Variants in ADAP1 observed in about 807,000 individuals in gnomAD.
The protein encoded by ADAP1 is arf-GAP with dual PH domain-containing protein 1.
ADAP1 carries 31 observed loss-of-function variants against 54.9 expected under a neutral mutation model. The observed-to-expected ratio is 0.56, with a 90% CI of 0.42 to 0.76. ADAP1 has a LOEUF of 0.76. Among genes scored for constraint, ADAP1 ranks in the 30% least tolerant of loss-of-function variants. The pLI, the probability that ADAP1 is intolerant of heterozygous loss-of-function variation, is 0.00. For synonymous variants in ADAP1, 313 were observed against 202.6 expected (o/e 1.55, Z -4.63); for missense variants, 535 against 512.4 (o/e 1.04, Z -0.42).
rs58750095 is a variant in ADAP1 at position 907,021 on chromosome 7, G to A, written c.389-1849C>T. Among the ~76,000 whole-genome samples the A allele has an allele frequency of 5.2e-3, 789 of 152,186 alleles. 6 individuals carry two copies. The highest frequency in any genetic ancestry group is 0.018 in the African/African-American group (729 of 41,498). On this transcript the variant is annotated intron_variant, in intron 4 of 10. Coordinates refer to ENST00000265846, the MANE Select transcript of ADAP1 (RefSeq NM_006869.4). Reference sequence around the variant, plus strand: ...CAGAGGCAGGGCTGGGTCCAACCTCGTGCTGCCCGGGAGGACCAGGCTGGC... The same window carrying A: ...CAGAGGCAGGGCTGGGTCCAACCTCATGCTGCCCGGGAGGACCAGGCTGGC...
chr7:905,798 GAGAAAGGA>G (rs1562912969), intron 4 of ADAP1, among the ~76,000 whole-genome samples: 6 of 71,164 alleles, frequency 8.4e-5, no homozygotes, highest in African/African-American at 2.5e-4. Flanking sequence ...AAGGAGAAAG[GAGAAAGGA>G]GAAAGGAGAA....
intron 2 of ADAP1, among the ~76,000 whole-genome samples, chr7:929,638 G>A (rs1480037263): frequency 6.6e-6 from 1 of 151,822 alleles, no homozygotes; most frequent in African/African-American, 2.4e-5. Flanking sequence ...CGGCTGGGGC[G>A]GTGGTGATGG....
At chr7:910,189 G>A (rs1275697560) in intron 4 of ADAP1, among the ~76,000 whole-genome samples, 1 of 152,134 alleles carries the variant, frequency 6.6e-6, no homozygotes, top group Non-Finnish European at 1.5e-5. Context: ...AGTGAAGCGC[G>A]CACATCACGT....
intron 2 of ADAP1, among the ~76,000 whole-genome samples, chr7:929,157 T>G (rs1846483770): frequency 6.6e-6 from 1 of 151,738 alleles, no homozygotes; most frequent in African/African-American, 2.4e-5. Flanking sequence ...CCGGGCGTGG[T>G]GGTGCACGCC....
intron 3 of ADAP1, among the ~76,000 whole-genome samples, chr7:922,690 C>A (rs1277001436): frequency 2.4e-5 from 3 of 125,226 alleles, no homozygotes; most frequent in Non-Finnish European, 1.6e-5. Flanking sequence ...TTGCCTCTTG[C>A]GAAAGTGACC....
At position 905,397 on chromosome 7, in the gene ADAP1, G is replaced by GGGAGAAA. The variant is rs1484691023; in HGVS notation, c.389-226_389-225insTTTCTCC. On this transcript the variant is annotated intron_variant, in intron 4 of 10. Coordinates refer to ENST00000265846, the MANE Select transcript of ADAP1 (RefSeq NM_006869.4). ...GAAAGGAGAAAGGAGAAAGGAGAAA[G>GGGAGAAA]GAGAAAGGAGAAAGGGAGAAAGAGA... 217 of 235,746 alleles carry GGGAGAAA rather than the reference G, an allele frequency of 9.2e-4. 20 individuals are homozygous for GGGAGAAA. Among genetic ancestry groups the GGGAGAAA allele is most frequent in the Non-Finnish European group, 5.2e-4 (73 of 140,148 alleles). 14.6% of individuals were successfully genotyped at this position (235,746 alleles called of 1,614,324 possible).
At chr7:929,095 C>A (rs959011236) in intron 2 of ADAP1, among the ~76,000 whole-genome samples, 13 of 152,016 alleles carry the variant, frequency 8.6e-5, no homozygotes, top group African/African-American at 2.7e-4. Context: ...AGTTCAAGAC[C>A]AGCCTGGGCA....
rs76452120 is a variant in ADAP1, at chr7:900,482, C to G, written c.732+51G>C. On this transcript the variant is annotated intron_variant, in intron 7 of 10. Transcript: ENST00000265846. ...GGGCACGAGGGCTCCGTCCACCCCC[C>G]ACCCCACCACCCCTGTCTGCCCTGG... The G allele has an allele frequency of 6.4e-3, 8,843 of 1,389,232 alleles. 344 individuals are homozygous for G. The East Asian group carries it at 0.081, about 13-fold the overall frequency. 86.1% of individuals were successfully genotyped at this position (1,389,232 alleles called of 1,614,324 possible). A position where few individuals can be genotyped will look rare whatever the true frequency, so the allele number is the denominator to read the frequency against.
chr7:905,392 A>AGAAAGG (rs1303788982), intron 4 of ADAP1: 2 of 201,736 alleles, frequency 9.9e-6, no homozygotes, highest in African/African-American at 8.3e-5. Context: ...AGGAGAAAGG[A>AGAAAGG]GAAAGGAGAA....
intron 1 of ADAP1, among the ~76,000 whole-genome samples, chr7:951,255 C>T (rs918901763): frequency 1.3e-5 from 2 of 151,970 alleles, no homozygotes; most frequent in African/African-American, 4.8e-5. Context: ...TGCCTGTAGT[C>T]CCAGCTACTC....
chr7:922,737 C>T (rs1183769377), intron 3 of ADAP1, among the ~76,000 whole-genome samples: 1 of 152,142 alleles, frequency 6.6e-6, no homozygotes. Flanking sequence ...CGTGGTGGAC[C>T]AGTGGCTCAC....
chr7:904,281 G>A lies in ADAP1; in HGVS notation c.502-9C>T, dbSNP rs199707582. 3.2e-5 allele frequency: 50 copies of A among 1,581,362 alleles called. No individual in the cohort carries two copies. The highest frequency in any genetic ancestry group is 4.0e-5 in the Non-Finnish European group (46 of 1,162,972). On this transcript the variant is annotated splice_polypyrimidine_tract_variant and intron_variant, in intron 5 of 10. Coordinates refer to ENST00000265846, the MANE Select transcript of ADAP1 (RefSeq NM_006869.4). ...GCCTTGGGCTCCTTGGCCTGAGAAG[G>A]GGTGGGGTCTAAGCACCTCACAGGG...
At chr7:904,444 A>G (rs1357052042) in intron 5 of ADAP1, among the ~76,000 whole-genome samples, 172 bp from the exon 6 acceptor site, 2 of 152,198 alleles carry the variant, frequency 1.3e-5, no homozygotes, top group East Asian at 3.9e-4. Flanking sequence ...AGAAGGTAAC[A>G]GCACCTCCCT....
intron 2 of ADAP1, among the ~76,000 whole-genome samples, chr7:928,872 A>T (rs1453921937): frequency 6.6e-6 from 1 of 152,276 alleles, no homozygotes; most frequent in African/African-American, 2.4e-5. Flanking sequence ...ACGCAGAGAC[A>T]TGCACATGAG....
intron 6 of ADAP1, 122 bp from the exon 7 acceptor site, chr7:900,738 C>T (rs554118393): frequency 1.9e-4 from 155 of 835,844 alleles, no homozygotes; most frequent in African/African-American, 1.8e-3. Flanking sequence ...TCCTCCTCCC[C>T]GGCACCTCAG....
At chr7:915,615 T>G (rs1470127684) in intron 4 of ADAP1, among the ~76,000 whole-genome samples, 1 of 152,170 alleles carries the variant, frequency 6.6e-6, no homozygotes, top group African/African-American at 2.4e-5. Flanking sequence ...ACGGGAGGCT[T>G]TAGCTCATCT....
chr7:918,032 G>A (rs1846005671), intron 4 of ADAP1, among the ~76,000 whole-genome samples: 2 of 152,246 alleles, frequency 1.3e-5, no homozygotes, highest in African/African-American at 4.8e-5. Context: ...CAGGAGATCT[G>A]CCCGCCTTGA....
chr7:908,309 G>C (rs558493129), intron 4 of ADAP1, among the ~76,000 whole-genome samples: 7 of 152,204 alleles, frequency 4.6e-5, no homozygotes, highest in Admixed American at 1.3e-4. Flanking sequence ...CGACACCAGA[G>C]ACCAGGGGCT....
chr7:905,890 A>G (rs1430845914), intron 4 of ADAP1, among the ~76,000 whole-genome samples: 17 of 2,168 alleles, frequency 7.8e-3, no homozygotes, highest in Non-Finnish European at 0.019. Flanking sequence ...AGGAGAAAGG[A>G]GAAAGGAGAA....
Sources: allele counts gnomAD v4.1 joint callset (sites outside exome capture counted in the v4.1 genomes callset), GRCh38; gene constraint gnomAD v4.1.1; transcripts MANE v1.5; gene names NCBI Gene and HGNC (gene_info 2026-07-23, HGNC 2026-07-21).